Variants in IARS1 observed in about 807,000 individuals in gnomAD.
The protein encoded by IARS1 is isoleucyl-tRNA synthetase 1, also known as isoleucine--tRNA ligase, cytoplasmic.
In IARS1, 124 loss-of-function variants were observed where a neutral mutation model predicts 168.2. The ratio of observed to expected loss-of-function variants is 0.74; its 90% CI spans 0.64 to 0.86. IARS1 has a LOEUF of 0.86. Ranked by LOEUF, IARS1 falls within the 40% of genes least tolerant of loss-of-function variation. The pLI, the probability that IARS1 is intolerant of heterozygous loss-of-function variation, is 0.00. For missense variants in IARS1, 1,452 were observed against 1,515.8 expected (o/e 0.96, Z 0.70); for synonymous variants, 532 against 529.4 (o/e 1.00, Z -0.07).
intron 33 of IARS1, among the ~76,000 whole-genome samples, chr9:92,222,048 C>G (rs910619298): frequency 6.6e-6 from 1 of 152,056 alleles, no homozygotes; most frequent in Non-Finnish European, 1.5e-5. Context: ...CCGGGCATCA[C>G]GGCTCACGCC....
chr9:92,248,646 C>T lies in IARS1; in HGVS notation c.2617-1095G>A, dbSNP rs1829569647. Among the ~76,000 whole-genome samples the T allele has an allele frequency of 2.6e-5, 3 of 116,684 alleles. No individual in the cohort carries two copies. The South Asian group carries it at 9.0e-4, about 35-fold the overall frequency. 76.5% of individuals were successfully genotyped at this position (116,684 alleles called of 152,430 possible). A position where few individuals can be genotyped will look rare whatever the true frequency, so the allele number is the denominator to read the frequency against. ...CCAGCCTGGGTGACAGAGCGAGACCCTGTCACAAAAAAAAAAAAAAAAAAA... is the reference window on the plus strand; with the variant it reads ...CCAGCCTGGGTGACAGAGCGAGACCTTGTCACAAAAAAAAAAAAAAAAAAA... On this transcript the variant is annotated intron_variant, in intron 25 of 33. Transcript: ENST00000443024.
At chr9:92,211,978 C>CA (rs977910464) in intron 33 of IARS1, among the ~76,000 whole-genome samples, 58 of 150,120 alleles carry the variant, frequency 3.9e-4, no homozygotes, top group South Asian at 8.4e-4. Flanking sequence ...AACTCAAAAA[C>CA]AAAAAAAAAG....
rs762709373 is a variant in IARS1, at chr9:92,250,137, CTTAA to C, written c.2532+46_2532+49del. 4.9e-6 allele frequency: 6 copies of C among 1,217,750 alleles called. No individual in the cohort carries two copies. The African/African-American group carries it at 7.5e-5, about 15-fold the overall frequency. The allele number at this position is 1,217,750 out of a possible 1,614,324, so 75.4% of individuals were successfully genotyped here. ...CTATATTAAAAAAGCATTCCAAACA[CTTAA>C]TTAATTTAGGTCTGTGCCATGTAAA... On this transcript the variant is annotated intron_variant, in intron 24 of 33. Coordinates refer to ENST00000443024, the MANE Select transcript of IARS1 (RefSeq NM_002161.6).
chr9:92,262,819 T>A (rs1319057841), intron 17 of IARS1, 150 bp downstream of exon 17: 1 of 621,800 alleles, frequency 1.6e-6, no homozygotes, highest in Non-Finnish European at 2.9e-6. Flanking sequence ...TCCTCCTCCA[T>A]CAGGCTTAGC....
intron 25 of IARS1, among the ~76,000 whole-genome samples, chr9:92,249,413 C>T (rs1394832965): frequency 1.1e-4 from 17 of 152,184 alleles, no homozygotes; most frequent in African/African-American, 3.9e-4. Flanking sequence ...GTTAGCTGGG[C>T]ATGGTGGCGG....
At chr9:92,211,705 C>T (rs773992603) in intron 33 of IARS1, among the ~76,000 whole-genome samples, 15 of 152,162 alleles carry the variant, frequency 9.9e-5, no homozygotes, top group Non-Finnish European at 1.9e-4. Flanking sequence ...ACAAAAAAAG[C>T]CTAGAGGCTG....
intron 6 of IARS1, among the ~76,000 whole-genome samples, chr9:92,283,802 T>G (rs1391774987): frequency 1.3e-5 from 2 of 152,082 alleles, no homozygotes; most frequent in Non-Finnish European, 2.9e-5. Flanking sequence ...AAATAAAATA[T>G]AACCCCTTGG....
At chr9:92,273,557 A>T (rs966628560) in intron 10 of IARS1, among the ~76,000 whole-genome samples, 1 of 152,226 alleles carries the variant, frequency 6.6e-6, no homozygotes, top group Admixed American at 6.5e-5. Context: ...AAAAGAATCT[A>T]TTATCATATT....
At chr9:92,245,780 T>G (rs1169955187) in intron 26 of IARS1, among the ~76,000 whole-genome samples, 6 of 152,128 alleles carry the variant, frequency 3.9e-5, no homozygotes. Context: ...TTTTTTTTTT[T>G]TTTTGAGACA....
At chr9:92,211,684 T>C (rs1837786823) in intron 33 of IARS1, among the ~76,000 whole-genome samples, 2 of 152,238 alleles carry the variant, frequency 1.3e-5, no homozygotes, top group South Asian at 4.1e-4. Context: ...ACACAGATAC[T>C]TCCTATGTCT....
chr9:92,240,455 G>C (rs1218423075), intron 30 of IARS1: 1 of 526,670 alleles, frequency 1.9e-6, no homozygotes, highest in African/African-American at 2.0e-5. Flanking sequence ...GTAGAGACAG[G>C]GTTTCACCAT....
rs185328501 is a variant in IARS1 at position 92,274,580 on chromosome 9, T to C, written c.895-59A>G. ...AACATTACTGTGTTACAACGTTAAC[T>C]TTGTAACAGTTTTTCCTAAGAACCT... On this transcript the variant is annotated intron_variant, in intron 9 of 33. Transcript: ENST00000443024. The C allele has an allele frequency of 2.5e-4, 299 of 1,177,354 alleles. 2 individuals carry two copies. In the Admixed American group the frequency reaches 5.4e-3, roughly 21 times the overall value. 72.9% of individuals were successfully genotyped at this position (1,177,354 alleles called of 1,614,324 possible).
chr9:92,277,674 TA>T (rs34636470), intron 9 of IARS1, among the ~76,000 whole-genome samples, 188 bp downstream of exon 9: 61,168 of 143,370 alleles, frequency 0.43, 15,329 homozygotes, highest in African/African-American at 0.73. Context: ...ACCCTGTTTT[TA>T]AAAAAAAAAA....
At chr9:92,223,646 C>G (rs549580158) in intron 31 of IARS1, among the ~76,000 whole-genome samples, 157 bp from the exon 32 acceptor site, 4 of 152,156 alleles carry the variant, frequency 2.6e-5, no homozygotes, top group East Asian at 3.8e-4. Context: ...ATAAAACCAG[C>G]CTTTAATGAC....
chr9:92,214,978 C>T (rs914139903), intron 33 of IARS1, among the ~76,000 whole-genome samples: 2 of 152,202 alleles, frequency 1.3e-5, no homozygotes, highest in African/African-American at 4.8e-5. Context: ...AGGGCACAGA[C>T]AAACAAAAAG....
chr9:92,274,347 G>T (rs1833498458), intron 10 of IARS1, 79 bp downstream of exon 10: 13 of 1,085,636 alleles, frequency 1.2e-5, no homozygotes, highest in Non-Finnish European at 1.7e-5. Flanking sequence ...AACCCAACAT[G>T]ATGAGACACA....
chr9:92,210,773 G>C lies in IARS1; in HGVS notation c.*34C>G, dbSNP rs765177636. ...TGTGTAGGGGATAGGTGTAATTAGG[G>C]AAGGGCTGACCGAACAACATTGATA... On this transcript the variant is annotated 3_prime_UTR_variant, in exon 34 of 34. Transcript: ENST00000443024. The C allele has an allele frequency of 1.1e-5, 15 of 1,316,690 alleles. No individual in the cohort carries two copies. Among genetic ancestry groups the C allele is most frequent in the Admixed American group, 1.7e-5 (1 of 59,542 alleles). 81.6% of individuals were successfully genotyped at this position (1,316,690 alleles called of 1,614,324 possible).
At chr9:92,281,292 C>T (rs974702490) in intron 6 of IARS1, among the ~76,000 whole-genome samples, 1 of 151,978 alleles carries the variant, frequency 6.6e-6, no homozygotes, top group African/African-American at 2.4e-5. Context: ...TGTCACCACA[C>T]GTGGCTAATT....
At position 92,271,569 on chromosome 9, in the gene IARS1, T is replaced by C. The variant is rs766825421; in HGVS notation, c.1077A>G (p.Thr359=). The C allele has an allele frequency of 3.5e-5, 56 of 1,614,018 alleles. No individual in the cohort carries two copies. The highest frequency in any genetic ancestry group is 4.7e-5 in the Non-Finnish European group (55 of 1,179,984). Residue 359 remains threonine (T), a synonymous_variant, in exon 11 of 34, where the codon ACA becomes ACG. Transcript: ENST00000443024. The part of the protein sequence containing the change: ...VCPVDASGCF[T]TEVTDFAGQY... Reference sequence around the variant, plus strand: ...GTCCTGCGAAATCTGTCACCTCCGTTGTGAAGCAGCCTGAAGCATCCACAG... The same window carrying C: ...GTCCTGCGAAATCTGTCACCTCCGTCGTGAAGCAGCCTGAAGCATCCACAG...
Sources: allele counts gnomAD v4.1 joint callset (sites outside exome capture counted in the v4.1 genomes callset), GRCh38; gene constraint gnomAD v4.1.1; transcripts MANE v1.5; gene names NCBI Gene and HGNC (gene_info 2026-07-23, HGNC 2026-07-21).